PCDHGB4: variants seen among roughly 807,000 people sequenced by gnomAD.
PCDHGB4 encodes protocadherin gamma subfamily B, 4, also known as protocadherin gamma-B4.
Under a neutral mutation model 60.5 loss-of-function variants are expected in PCDHGB4, and 38 were observed. The observed-to-expected ratio is 0.63, with a 90% confidence interval of 0.48 to 0.82. PCDHGB4 has a LOEUF of 0.82. PCDHGB4 is among the 40% of genes least tolerant of loss of function. The pLI, the probability that PCDHGB4 is intolerant of heterozygous loss-of-function variation, is 0.00. For synonymous variants in PCDHGB4, 456 were observed against 509.7 expected, an observed-to-expected ratio of 0.89 and a Z score of 1.42; for missense variants, 1,109 against 1,209.6, an observed-to-expected ratio of 0.92 and a Z score of 1.23.
chr5:141,506,447 A>G (rs1405495926), intron 3 of PCDHGB4, among the ~76,000 whole-genome samples: 3 of 146,906 alleles, frequency 2.0e-5, no homozygotes, highest in Non-Finnish European at 3.0e-5. Flanking sequence ...TCTGTCTCAA[A>G]AAAAAAAAAA....
At chr5:141,501,206 A>G (rs977574347) in intron 2 of PCDHGB4, among the ~76,000 whole-genome samples, 22 of 151,674 alleles carry the variant, frequency 1.5e-4, no homozygotes, top group African/African-American at 5.3e-4. Context: ...GGGTGTTGTC[A>G]GGGTGACTTC....
rs1247382831 is a variant in PCDHGB4 at position 141,388,673 on chromosome 5, G to A, written c.789G>A (p.Gln263=). Residue 263 remains glutamine (Q), a synonymous_variant, in exon 1 of 4, where the codon CAG becomes CAA. Transcript: ENST00000519479. ...ENVYPGTTVL[Q]VTATDQDEGV... ...TGTACCCGGGGACCACGGTGCTACA[G>A]GTGACTGCCACGGACCAGGATGAGG... The A allele has an allele frequency of 2.5e-6, 4 of 1,613,942 alleles. No homozygotes were observed. In the South Asian group the frequency reaches 3.3e-5, roughly 13 times the overall value.
At chr5:141,423,362 T>G (rs1419859253) in intron 1 of PCDHGB4, 1 of 1,614,112 alleles carries the variant, frequency 6.2e-7, no homozygotes, top group African/African-American at 1.3e-5. Flanking sequence ...GTCATCGTGC[T>G]GCTGGCACTC....
At chr5:141,400,168 C>T (rs1042097050) in intron 1 of PCDHGB4, 5 of 1,614,088 alleles carry the variant, frequency 3.1e-6, no homozygotes, top group Non-Finnish European at 4.2e-6. Flanking sequence ...CTCTGACCCC[C>T]AGGCTGAGCT....
intron 1 of PCDHGB4, among the ~76,000 whole-genome samples, chr5:141,437,919 G>A (rs2097917914): frequency 1.3e-5 from 2 of 152,078 alleles, no homozygotes; most frequent in Admixed American, 1.3e-4. Context: ...TGTATTTTTA[G>A]TAGAGATGGG....
At chr5:141,404,403 A>G (rs767148207) in intron 1 of PCDHGB4, 2 of 1,613,896 alleles carry the variant, frequency 1.2e-6, no homozygotes, top group East Asian at 4.5e-5. Flanking sequence ...AGCAATGAGA[A>G]TTCTAGAGTT....
At chr5:141,413,767 C>A in intron 1 of PCDHGB4, 1 of 1,612,972 alleles carries the variant, frequency 6.2e-7, no homozygotes, top group South Asian at 1.1e-5. Flanking sequence ...GTACCCGGAG[C>A]TGGTACTGGA....
chr5:141,398,868 CAG>C, intron 1 of PCDHGB4: 1 of 1,613,982 alleles, frequency 6.2e-7, no homozygotes, highest in Non-Finnish European at 8.5e-7. Flanking sequence ...GAGACGTGTA[CAG>C]AGTCAGCCTT....
chr5:141,480,607 C>T (rs2099522175), intron 1 of PCDHGB4, among the ~76,000 whole-genome samples: 1 of 145,670 alleles, frequency 6.9e-6, no homozygotes, highest in Admixed American at 6.8e-5. Context: ...GCCTGGAAAG[C>T]AACTGGCATT....
chr5:141,445,252 A>G (rs2098461096), intron 1 of PCDHGB4, among the ~76,000 whole-genome samples: 1 of 152,224 alleles, frequency 6.6e-6, no homozygotes, highest in Non-Finnish European at 1.5e-5. Context: ...ATATTGTGTG[A>G]GAATATAAGT....
intron 3 of PCDHGB4, among the ~76,000 whole-genome samples, chr5:141,509,262 ACT>A (rs761383166): frequency 9.2e-5 from 14 of 151,714 alleles, no homozygotes; most frequent in Non-Finnish European, 1.9e-4. Flanking sequence ...GGCTTTAGTC[ACT>A]CTCGCTACCC....
chr5:141,432,128 T>C lies in PCDHGB4; in HGVS notation c.2397+41847T>C. 3 of 1,614,080 alleles carry C rather than the reference T, an allele frequency of 1.9e-6. No homozygotes were observed. Among genetic ancestry groups the C allele is most frequent in the Non-Finnish European group, 2.5e-6 (3 of 1,180,016 alleles). On this transcript the variant is annotated intron_variant, in intron 1 of 3. Coordinates refer to ENST00000519479, the MANE Select transcript of PCDHGB4 (RefSeq NM_003736.4). This position sits in a 1 kb window ranked among gnomAD's most constrained non-coding sequence, Gnocchi z 6.0. ...CCCGCCGGTCTTCCCTCAGGCCTCC[T>C]ATTCCGCTTATATCCCAGAGAACAA... is the stretch of plus-strand genomic sequence containing the variant.
intron 3 of PCDHGB4, among the ~76,000 whole-genome samples, chr5:141,508,957 C>T (rs1242113190): frequency 6.6e-6 from 1 of 151,976 alleles, no homozygotes; most frequent in Non-Finnish European, 1.5e-5. Context: ...GAAATGTCAG[C>T]GGAATGAAAG....
chr5:141,443,274 A>G (rs1259320198), intron 1 of PCDHGB4, among the ~76,000 whole-genome samples: 12 of 151,534 alleles, frequency 7.9e-5, no homozygotes, highest in African/African-American at 1.7e-4. Context: ...TGAGCCCAGG[A>G]GTTTGAGACC....
chr5:141,485,680 C>T lies in PCDHGB4; in HGVS notation c.2398-9127C>T. The T allele has an allele frequency of 6.2e-7, 1 of 1,613,966 alleles. No individual in the cohort carries two copies. Among genetic ancestry groups the T allele is most frequent in the South Asian group, 1.1e-5 (1 of 91,066 alleles). The stretch of plus-strand genomic sequence containing the variant: ...ATGTGGGGAGCAATTCGATTAGCAG[C>T]TATAGGCTGAGCTCCAATGAACACT... On this transcript the variant is annotated intron_variant, in intron 1 of 3. Coordinates refer to ENST00000519479, the MANE Select transcript of PCDHGB4 (RefSeq NM_003736.4). The surrounding 1 kb of genome is among the most constrained non-coding windows in gnomAD (Gnocchi z 5.7).
chr5:141,393,443 G>T, intron 1 of PCDHGB4: 1 of 1,614,048 alleles, frequency 6.2e-7, no homozygotes, highest in Non-Finnish European at 8.5e-7. Context: ...CTCACCACCT[G>T]GTCCTCACGG....
Position 141,395,191 on chromosome 5 carries a change from C to T in PCDHGB4, c.2397+4910C>T, listed in dbSNP as rs781685191. ...TGTGAGAAAAATGATTCTTTGTTAA[C>T]ATCCGTAGATTTTCATGAATATAAG... is the stretch of plus-strand genomic sequence containing the variant. On this transcript the variant is annotated intron_variant, in intron 1 of 3. Transcript: ENST00000519479. 8 of 1,614,074 alleles carry T rather than the reference C, an allele frequency of 5.0e-6. 1 individual carries two copies. The South Asian group carries it at 7.7e-5, about 16-fold the overall frequency.
chr5:141,457,806 G>A (rs1321207711), intron 1 of PCDHGB4, among the ~76,000 whole-genome samples: 1 of 152,150 alleles, frequency 6.6e-6, no homozygotes, highest in Non-Finnish European at 1.5e-5. Context: ...CTCCTCTTGA[G>A]GTCCCAAGAT....
chr5:141,489,477 G>C lies in PCDHGB4; in HGVS notation c.2398-5330G>C, dbSNP rs2154581232. 1.9e-6 allele frequency: 3 copies of C among 1,614,108 alleles called. No homozygotes were observed. Among genetic ancestry groups the C allele is most frequent in the Non-Finnish European group, 2.5e-6 (3 of 1,180,034 alleles). ...ATGGGCGCTATTTTTCCCTGAGCTT[G>C]ATGAGTGGTGCCCTGGCAGTGAATC... is the stretch of plus-strand genomic sequence containing the variant. On this transcript the variant is annotated intron_variant, in intron 1 of 3. Coordinates refer to ENST00000519479, the MANE Select transcript of PCDHGB4 (RefSeq NM_003736.4). This position sits in a 1 kb window ranked among gnomAD's most constrained non-coding sequence, Gnocchi z 4.5.
Sources: gnomAD v4.1 joint callset for allele counts (sites outside exome capture counted in the v4.1 genomes callset) on GRCh38, gnomAD v4.1.1 for gene constraint, Gnocchi (gnomAD v3.1) non-coding constraint, MANE v1.5 for transcripts, NCBI Gene and HGNC (gene_info 2026-07-23, HGNC 2026-07-21) for gene names.